The following RFC1 variants were observed in gnomAD, a reference collection of about 807,000 sequenced individuals.
RFC1 encodes the protein A1 140 kDa subunit.
In RFC1, 37 loss-of-function variants were observed where a neutral mutation model predicts 137.4. That is an observed-to-expected ratio of 0.27 (90% CI 0.21 to 0.35). The LOEUF (loss-of-function observed/expected upper bound fraction) is 0.35, where lower values mean the gene tolerates loss of function less well. Ranked by LOEUF, RFC1 falls within the 10% of genes least tolerant of loss-of-function variation. RFC1 has a pLI of 1.00. For synonymous variants in RFC1, 429 were observed against 455.7 expected, an observed-to-expected ratio of 0.94 and a Z score of 0.75; for missense variants, 1,205 against 1,358.5, an observed-to-expected ratio of 0.89 and a Z score of 1.78.
At chr4:39,308,504 G>A in intron 13 of RFC1, 132 bp downstream of exon 13, 21 of 1,257,792 alleles carry the variant, frequency 1.7e-5, no homozygotes, top group Non-Finnish European at 2.3e-5. Context: ...TACTGCACCT[G>A]GGTTCAGATC....
At chr4:39,293,125 C>A (rs900871397) in intron 22 of RFC1, among the ~76,000 whole-genome samples, 3 of 152,138 alleles carry the variant, frequency 2.0e-5, no homozygotes, top group African/African-American at 7.2e-5. Flanking sequence ...GCAACTATTA[C>A]CTAGACAAAG....
chr4:39,340,991 C>G (rs568215385), intron 4 of RFC1, among the ~76,000 whole-genome samples: 1 of 152,296 alleles, frequency 6.6e-6, no homozygotes, highest in African/African-American at 2.4e-5. Flanking sequence ...CTGGACATCT[C>G]TTCACAAAAC....
chr4:39,354,112 T>TC, intron 1 of RFC1, among the ~76,000 whole-genome samples: 1 of 151,596 alleles, frequency 6.6e-6, no homozygotes, highest in East Asian at 1.9e-4. Context: ...TCCCCTAAAC[T>TC]CCCCCACACT....
intron 24 of RFC1, 79 bp from the exon 25 acceptor site, chr4:39,288,923 T>C (rs1217266886): frequency 6.5e-6 from 6 of 918,328 alleles, no homozygotes; most frequent in East Asian, 2.4e-5. Flanking sequence ...ATAACAAATC[T>C]AATCTTTACC....
At position 39,309,603 on chromosome 4, in the gene RFC1, A is replaced by G. The variant is rs140889511; in HGVS notation, c.1489-571T>C. 3.5e-4 allele frequency among the ~76,000 whole-genome samples: 53 copies of G among 152,350 alleles called. No individual in the cohort carries two copies. The East Asian group carries it at 9.2e-3, about 27-fold the overall frequency. Reference sequence around the variant, plus strand: ...GCCATATATTCTAATGTCTCCATACACACGTGAAACGTCCAGCATAGGAAA... The same window carrying G: ...GCCATATATTCTAATGTCTCCATACGCACGTGAAACGTCCAGCATAGGAAA... On this transcript the variant is annotated intron_variant, in intron 12 of 24. Coordinates refer to ENST00000349703, the MANE Select transcript of RFC1 (RefSeq NM_002913.5).
At chr4:39,325,552 T>G (rs1431834899) in intron 6 of RFC1, among the ~76,000 whole-genome samples, 1 of 152,002 alleles carries the variant, frequency 6.6e-6, no homozygotes, top group Admixed American at 6.5e-5. Context: ...CCAGTTGATT[T>G]TTGTATTTTT....
At chr4:39,309,452 A>T (rs1361064582) in intron 12 of RFC1, among the ~76,000 whole-genome samples, 2 of 152,256 alleles carry the variant, frequency 1.3e-5, no homozygotes, top group Admixed American at 6.5e-5. Context: ...AAAAAGAAAC[A>T]AAATAGGATG....
rs758262874 is a variant in RFC1, at chr4:39,300,156, T to G, written c.2691-18A>C. The G allele has an allele frequency of 1.2e-6, 2 of 1,611,734 alleles. No homozygotes were observed. Among genetic ancestry groups the G allele is most frequent in the African/African-American group, 1.3e-5 (1 of 74,844 alleles). Reference sequence around the variant, plus strand: ...TGTCACCCCTGCAGGAAAGAACCAGTCTGGATTATCCCACTCTCCACACCC... The same window carrying G: ...TGTCACCCCTGCAGGAAAGAACCAGGCTGGATTATCCCACTCTCCACACCC... On this transcript the variant is annotated intron_variant, in intron 20 of 24. Transcript: ENST00000349703.
In RFC1 at chr4:39,288,495, A is replaced by G; in HGVS notation, c.*266T>C. ...AGCCCAGGTGTAGTTTCTAGTTCCAATTCTACAGTCATTCAGAAGCACGTC... is the reference window on the plus strand; with the variant it reads ...AGCCCAGGTGTAGTTTCTAGTTCCAGTTCTACAGTCATTCAGAAGCACGTC... On this transcript the variant is annotated 3_prime_UTR_variant, in exon 25 of 25. Transcript: ENST00000349703. The G allele has an allele frequency of 3.4e-6, 1 of 297,936 alleles. No homozygotes were observed. Among genetic ancestry groups the G allele is most frequent in the Non-Finnish European group, 6.1e-6 (1 of 162,810 alleles). The allele number at this position is 297,936 out of a possible 1,614,324, so 18.5% of individuals were successfully genotyped here.
At chr4:39,291,493 C>A (rs1421393067) in intron 23 of RFC1, 146 bp downstream of exon 23, 2 of 636,152 alleles carry the variant, frequency 3.1e-6, no homozygotes, top group Non-Finnish European at 5.6e-6. Context: ...CAAATAGTAT[C>A]TTTGGAAAAT....
chr4:39,308,583 C>T, intron 13 of RFC1, 53 bp downstream of exon 13: 1 of 1,550,918 alleles, frequency 6.4e-7, no homozygotes, highest in Admixed American at 2.0e-5. Context: ...TGCCACTGAG[C>T]AATCACATGT....
intron 10 of RFC1, among the ~76,000 whole-genome samples, chr4:39,313,839 C>T (rs753153300): frequency 7.9e-5 from 12 of 152,018 alleles, no homozygotes; most frequent in Non-Finnish European, 1.3e-4. Flanking sequence ...AAGGCAAGAT[C>T]GTATTATCTC....
At chr4:39,365,906 G>C (rs775375350) in intron 1 of RFC1, among the ~76,000 whole-genome samples, 7 of 152,176 alleles carry the variant, frequency 4.6e-5, no homozygotes, top group Non-Finnish European at 1.0e-4. Flanking sequence ...GGGCAACGCC[G>C]AACAAGAAAA....
chr4:39,302,475 G>T, intron 18 of RFC1, 25 bp downstream of exon 18: 1 of 1,526,032 alleles, frequency 6.6e-7, no homozygotes, highest in Non-Finnish European at 9.1e-7. Context: ...ATCAACAACT[G>T]TTACATGATA....
chr4:39,341,642 G>A lies in RFC1; in HGVS notation c.331+703C>T, dbSNP rs757787342. On this transcript the variant is annotated intron_variant, in intron 4 of 24. Transcript: ENST00000349703. The stretch of plus-strand genomic sequence containing the variant: ...CTGGCCCTTTCACGTACAGCATCCC[G>A]TATTATTCCGGTTATTGTCTCCTCT... 14 of 455,968 alleles carry A rather than the reference G, an allele frequency of 3.1e-5. 1 individual carries two copies. In the Middle Eastern group the frequency reaches 1.9e-3, roughly 63 times the overall value. 28.2% of individuals were successfully genotyped at this position (455,968 alleles called of 1,614,324 possible).
At position 39,308,685 on chromosome 4, in the gene RFC1, T is replaced by C; in HGVS notation, c.1836A>G (p.Leu612=). The C allele has an allele frequency of 6.2e-7, 1 of 1,614,148 alleles. No individual in the cohort carries two copies. Among genetic ancestry groups the C allele is most frequent in the East Asian group, 2.2e-5 (1 of 44,884 alleles). Residue 612 remains leucine, a synonymous_variant, in exon 13 of 25, where the codon CTA becomes CTG. Coordinates refer to ENST00000349703, the MANE Select transcript of RFC1 (RefSeq NM_002913.5). ...QGDQSCANKL[L]RWLRNWQKSS... ...TCTTTTGCCAGTTTCGGAGCCAGCGTAGGAGTTTGTTGGCACAGCTCTGGT... is the reference window on the plus strand; with the variant it reads ...TCTTTTGCCAGTTTCGGAGCCAGCGCAGGAGTTTGTTGGCACAGCTCTGGT...
rs75598585 is a variant in RFC1, at chr4:39,315,070, A to G, written c.1203+1845T>C. On this transcript the variant is annotated intron_variant, in intron 10 of 24. Coordinates refer to ENST00000349703, the MANE Select transcript of RFC1 (RefSeq NM_002913.5). ...AAGTCCTCCCACTTCTTTCTCCTTCACAGCCAAACTTATCAAAAATATCTA... is the reference window on the plus strand; with the variant it reads ...AAGTCCTCCCACTTCTTTCTCCTTCGCAGCCAAACTTATCAAAAATATCTA... Among the ~76,000 whole-genome samples the G allele has an allele frequency of 3.7e-3, 568 of 152,168 alleles. 4 individuals carry two copies. Among genetic ancestry groups the G allele is most frequent in the African/African-American group, 0.013 (542 of 41,510 alleles).
intron 4 of RFC1, among the ~76,000 whole-genome samples, chr4:39,330,155 C>T (rs1364003686): frequency 6.6e-6 from 1 of 152,140 alleles, no homozygotes; most frequent in African/African-American, 2.4e-5. Flanking sequence ...CCTATGTCCT[C>T]TCAACTGCTC....
intron 22 of RFC1, among the ~76,000 whole-genome samples, chr4:39,295,205 T>A (rs1305738855): frequency 2.0e-5 from 3 of 152,234 alleles, no homozygotes; most frequent in Non-Finnish European, 4.4e-5. Flanking sequence ...AATGACTAGG[T>A]CAGTTTACTA....
Sources: gnomAD v4.1 joint callset for allele counts (sites outside exome capture counted in the v4.1 genomes callset) on GRCh38, gnomAD v4.1.1 for gene constraint, MANE v1.5 for transcripts, NCBI Gene and HGNC (gene_info 2026-07-23, HGNC 2026-07-21) for gene names.